CLK4: variants seen among roughly 807,000 people sequenced by gnomAD.
CLK4 encodes CDC like kinase 4.
A neutral mutation model predicts 64.4 loss-of-function variants in CLK4; 37 were observed. The observed-to-expected ratio is 0.57, with a 90% confidence interval of 0.44 to 0.76. The LOEUF (loss-of-function observed/expected upper bound fraction) is 0.76. CLK4 is among the 30% of genes least tolerant of loss of function. The pLI, the probability that CLK4 is intolerant of heterozygous loss-of-function variation, is 0.00. For synonymous variants in CLK4, 175 were observed against 191.6 expected, an observed-to-expected ratio of 0.91 and a Z score of 0.72; for missense variants, 457 against 605.1, an observed-to-expected ratio of 0.76 and a Z score of 2.57.
chr5:178,623,637 A>G (rs1764740194), intron 1 of CLK4, among the ~76,000 whole-genome samples: 1 of 151,684 alleles, frequency 6.6e-6, no homozygotes, highest in Admixed American at 6.6e-5. Flanking sequence ...TGATACCTTA[A>G]GACATTTTTT....
intron 2 of CLK4, chr5:178,619,990 C>T: frequency 2.3e-6 from 1 of 428,108 alleles, no homozygotes; most frequent in South Asian, 1.6e-5. Flanking sequence ...AGATTGCCCT[C>T]ACCAACCCCT....
intron 2 of CLK4, chr5:178,619,863 A>T (rs778583380): frequency 4.1e-5 from 47 of 1,148,210 alleles, no homozygotes; most frequent in Admixed American, 6.9e-5. Context: ...TCTTCAACAG[A>T]GTGCGAAGCT....
chr5:178,622,147 A>G (rs1270137448), intron 2 of CLK4: 2 of 152,180 alleles, frequency 1.3e-5, no homozygotes, highest in Non-Finnish European at 2.9e-5. Context: ...TATCCTATGA[A>G]TAACCAGTAC....
intron 10 of CLK4, among the ~76,000 whole-genome samples, chr5:178,607,754 C>T (rs1195914732): frequency 6.6e-6 from 1 of 151,974 alleles, no homozygotes; most frequent in East Asian, 1.9e-4. Flanking sequence ...TCATGATCCA[C>T]CCACCTCAGC....
At chr5:178,604,109 T>A (rs1764425560) in intron 11 of CLK4, 175 bp from the exon 12 acceptor site, 2 of 448,616 alleles carry the variant, frequency 4.5e-6, no homozygotes, top group Non-Finnish European at 7.9e-6. Context: ...ACACCTCATA[T>A]CCTCCACCCT....
chr5:178,620,238 G>T (rs973792398), intron 2 of CLK4: 40 of 248,206 alleles, frequency 1.6e-4, no homozygotes, highest in African/African-American at 8.8e-4. Context: ...CAGTTGGCTT[G>T]GAACTGTCAG....
chr5:178,612,670 ATTACTTCTT>A, intron 8 of CLK4, 117 bp downstream of exon 8: 1 of 1,170,584 alleles, frequency 8.5e-7, no homozygotes, highest in Non-Finnish European at 1.2e-6. Context: ...GCAAAGAAGG[ATTACTTCTT>A]TTTGGTTAAA....
intron 5 of CLK4, among the ~76,000 whole-genome samples, chr5:178,614,103 AAC>A (rs1158932560): frequency 1.3e-5 from 2 of 152,210 alleles, no homozygotes; most frequent in Non-Finnish European, 2.9e-5. Context: ...TTTATACAAC[AAC>A]AGTTTTAAAA....
chr5:178,606,614 TA>T (rs1764470498), intron 10 of CLK4, among the ~76,000 whole-genome samples: 2 of 152,076 alleles, frequency 1.3e-5, no homozygotes, highest in Admixed American at 1.3e-4. Flanking sequence ...ACCTCGATCA[TA>T]CCATGACCCT....
Position 178,603,681 on chromosome 5 carries a change from G to A in CLK4, c.1382C>T (p.Thr461Ile). Residue 461 changes from threonine to isoleucine, a missense_variant, in exon 13 of 13, where the codon ACT (threonine) becomes ATT (isoleucine). Coordinates refer to ENST00000316308, the MANE Select transcript of CLK4 (RefSeq NM_020666.3). The part of the protein sequence containing the change: ...LVRRMLEYDP[T>I]QRITLDEALQ... ...TGCTTCATCCAAGGTAATTCTTTGA[G>A]TTGGATCATATTCTAACATTCTTCG... The A allele has an allele frequency of 6.2e-7, 1 of 1,604,376 alleles. No homozygotes were observed. The highest frequency in any genetic ancestry group is 8.5e-7 in the Non-Finnish European group (1 of 1,176,806).
intron 5 of CLK4, among the ~76,000 whole-genome samples, chr5:178,614,187 C>T (rs557806475): frequency 1.3e-5 from 2 of 152,332 alleles, no homozygotes; most frequent in African/African-American, 4.8e-5. Context: ...CCAGGCTAGG[C>T]CTACTCTGTG....
chr5:178,617,477 A>G lies in CLK4; in HGVS notation c.385-43T>C, dbSNP rs1562129691. The G allele has an allele frequency of 6.6e-7, 1 of 1,516,888 alleles. No individual in the cohort carries two copies. Among genetic ancestry groups the G allele is most frequent in the Non-Finnish European group, 9.1e-7 (1 of 1,093,704 alleles). The allele number at this position is 1,516,888 out of a possible 1,614,324, so 94.0% of individuals were successfully genotyped here. ...CAGCACCAAGATCGTCCAGCCAATCAATATATCAGAGTGAATTCAGGGCAG... is the reference window on the plus strand; with the variant it reads ...CAGCACCAAGATCGTCCAGCCAATCGATATATCAGAGTGAATTCAGGGCAG... On this transcript the variant is annotated intron_variant, in intron 3 of 12. Transcript: ENST00000316308. The surrounding 1 kb of genome is among the most constrained non-coding windows in gnomAD (Gnocchi z 5.2).
intron 1 of CLK4, among the ~76,000 whole-genome samples, chr5:178,625,883 A>C (rs1764772237): frequency 6.6e-6 from 1 of 152,248 alleles, no homozygotes; most frequent in African/African-American, 2.4e-5. Flanking sequence ...CACAAAGATC[A>C]CCCGACCCAC....
chr5:178,624,276 G>A (rs1454847865), intron 1 of CLK4, among the ~76,000 whole-genome samples: 7 of 152,278 alleles, frequency 4.6e-5, no homozygotes, highest in African/African-American at 1.4e-4. Context: ...ACCAGCCTGC[G>A]CTACACATAG....
intron 9 of CLK4, 31 bp from the exon 10 acceptor site, chr5:178,608,489 A>G (rs908400446): frequency 5.8e-6 from 9 of 1,547,266 alleles, no homozygotes; most frequent in Non-Finnish European, 7.1e-6. Context: ...ACATTTTACT[A>G]TGCAAAAACT....
chr5:178,623,375 G>T lies in CLK4; in HGVS notation c.42C>A (p.Ser14Arg). The T allele has an allele frequency of 6.2e-7, 1 of 1,613,936 alleles. No homozygotes were observed. Among genetic ancestry groups the T allele is most frequent in the South Asian group, 1.1e-5 (1 of 91,064 alleles). The change falls in exon 2 of 13, where the codon AGC (serine) becomes AGA (arginine). Residue 14 changes from serine to arginine, a missense_variant. By Grantham distance (110) the Ser-to-Arg change is moderately radical (BLOSUM62 -1). Coordinates refer to ENST00000316308, the MANE Select transcript of CLK4 (RefSeq NM_020666.3). The stretch of plus-strand genomic sequence containing the variant: ...AGCTTTCATGTCCCCAGCTTTCTCT[G>T]CTATCCCAATCAGGACAGTGAGTTC... ...SKRTHCPDWD[S>R]RESWGHESYR... is the part of the protein sequence containing the mutation.
At chr5:178,610,758 A>C (rs1764545270) in intron 9 of CLK4, among the ~76,000 whole-genome samples, 1 of 151,768 alleles carries the variant, frequency 6.6e-6, no homozygotes, top group African/African-American at 2.4e-5. Context: ...CTCTGTTATA[A>C]AAAACATAAA....
rs1764664586 is a variant in CLK4 at position 178,618,767 on chromosome 5, T to C, written c.173A>G (p.Glu58Gly). ...ATCTCGCTCATTCAAGGACCTTGCT[T>C]CTAAATAATGACTGCAAACACATTA... ...QFKESDCHYL[E>G]ARSLNERDYR... is the part of the protein sequence containing the mutation. Residue 58 changes from glutamate (E) to glycine (G), a missense_variant, in exon 3 of 13, where the codon GAA becomes GGA. By Grantham distance (98) the Glu-to-Gly change is moderately conservative. Coordinates refer to ENST00000316308, the MANE Select transcript of CLK4 (RefSeq NM_020666.3). 1 of 1,612,424 alleles carries C rather than the reference T, an allele frequency of 6.2e-7. No individual in the cohort carries two copies. Among genetic ancestry groups the C allele is most frequent in the South Asian group, 1.1e-5 (1 of 91,010 alleles).
At chr5:178,625,524 T>A (rs184605045) in intron 1 of CLK4, among the ~76,000 whole-genome samples, 1 of 152,196 alleles carries the variant, frequency 6.6e-6, no homozygotes, top group African/African-American at 2.4e-5. Flanking sequence ...CATCAGGAAC[T>A]CAGCTTGGTT....
Sources: allele counts gnomAD v4.1 joint callset (sites outside exome capture counted in the v4.1 genomes callset), GRCh38; gene constraint gnomAD v4.1.1; non-coding constraint Gnocchi (gnomAD v3.1); transcripts MANE v1.5; gene names NCBI Gene and HGNC (gene_info 2026-07-23, HGNC 2026-07-21).